ATP6V0A4: variants seen among roughly 807,000 people sequenced by gnomAD.
ATP6V0A4 encodes the protein ATPase H+ transporting V0 subunit a4, also known as V-type proton ATPase 116 kDa subunit a 4.
Under a neutral mutation model 107.3 loss-of-function variants are expected in ATP6V0A4, and 86 were observed. That is an observed-to-expected ratio of 0.80 (90% CI 0.67 to 0.96). The LOEUF (loss-of-function observed/expected upper bound fraction) is 0.96, where lower values mean the gene tolerates loss of function less well. ATP6V0A4 is among the 40% of genes least tolerant of loss of function. The probability of loss-of-function intolerance (pLI) is 0.00; values close to 1 mark genes in which losing one functional copy is unlikely to be tolerated. For synonymous variants in ATP6V0A4, 353 were observed against 381.4 expected, an observed-to-expected ratio of 0.93 and a Z score of 0.87; for missense variants, 908 against 1,045.6, an observed-to-expected ratio of 0.87 and a Z score of 1.81.
intron 16 of ATP6V0A4, among the ~76,000 whole-genome samples, chr7:138,733,524 G>C (rs1048363233): frequency 6.6e-6 from 1 of 150,868 alleles, no homozygotes; most frequent in Non-Finnish European, 1.5e-5. Context: ...CAGGCCAATG[G>C]AGACTATCAT....
Position 138,715,738 on chromosome 7 carries a change from GT to G in ATP6V0A4, c.2257+25del. The G allele has an allele frequency of 1.9e-6, 3 of 1,607,872 alleles. No individual in the cohort carries two copies. The South Asian group carries it at 3.4e-5, about 18-fold the overall frequency. ...CCTGGGGTGTTGGGGAGAGCTGACT[GT>G]CCCCCCGATGGGCTGCTCACTCACG... On this transcript the variant is annotated intron_variant, in intron 20 of 21. Transcript: ENST00000310018.
rs115494657 is a variant in ATP6V0A4, at chr7:138,713,456, G to A, written c.2257+2308C>T. On this transcript the variant is annotated intron_variant, in intron 20 of 21. Coordinates refer to ENST00000310018, the MANE Select transcript of ATP6V0A4 (RefSeq NM_020632.3). ...CACGAATGCTGAGTACTGGAGTTTCGTTTCTATCCCTTCAGCACACACCTT... is the reference window on the plus strand; with the variant it reads ...CACGAATGCTGAGTACTGGAGTTTCATTTCTATCCCTTCAGCACACACCTT... 5.0e-3 allele frequency among the ~76,000 whole-genome samples: 765 copies of A among 152,084 alleles called. 17 individuals carry two copies. Among genetic ancestry groups the A allele is most frequent in the South Asian group, 0.026 (126 of 4,810 alleles).
chr7:138,708,082 C>T (rs1051344726), intron 21 of ATP6V0A4, among the ~76,000 whole-genome samples: 4 of 150,764 alleles, frequency 2.7e-5, no homozygotes, highest in African/African-American at 7.3e-5. Context: ...GACGGAGTCT[C>T]GCTCTGTTGC....
chr7:138,714,773 T>C (rs1401085360), intron 20 of ATP6V0A4, among the ~76,000 whole-genome samples: 3 of 152,158 alleles, frequency 2.0e-5, no homozygotes, highest in African/African-American at 7.2e-5. Context: ...CAGAAGGGCA[T>C]GGTAGCCTGA....
chr7:138,795,146 C>T (rs536316722), intron 1 of ATP6V0A4, among the ~76,000 whole-genome samples: 7 of 152,158 alleles, frequency 4.6e-5, no homozygotes, highest in Non-Finnish European at 1.0e-4. Context: ...AAATGAGCCA[C>T]CTGCCTCAGT....
At chr7:138,747,140 T>C (rs1039816472) in intron 13 of ATP6V0A4, among the ~76,000 whole-genome samples, 1 of 152,086 alleles carries the variant, frequency 6.6e-6, no homozygotes, top group Non-Finnish European at 1.5e-5. Flanking sequence ...ATGTATTGCT[T>C]TCATAATCAG....
intron 18 of ATP6V0A4, among the ~76,000 whole-genome samples, chr7:138,722,530 G>A (rs966991609): frequency 6.6e-5 from 10 of 151,362 alleles, no homozygotes; most frequent in East Asian, 2.0e-4. Flanking sequence ...GCCAGGCACC[G>A]TGGCTCACCT....
chr7:138,708,861 G>A (rs1489891706), intron 21 of ATP6V0A4, among the ~76,000 whole-genome samples: 1 of 152,054 alleles, frequency 6.6e-6, no homozygotes, highest in East Asian at 1.9e-4. Flanking sequence ...ATCACTTGAG[G>A]CCAGGAGTTT....
chr7:138,791,591 C>G (rs1808415645), intron 1 of ATP6V0A4, among the ~76,000 whole-genome samples: 1 of 152,102 alleles, frequency 6.6e-6, no homozygotes, highest in Admixed American at 6.5e-5. Flanking sequence ...ATAAAAGAGG[C>G]AAATTATCTG....
At chr7:138,761,697 T>C (rs1490871579) in intron 7 of ATP6V0A4, among the ~76,000 whole-genome samples, 1 of 152,106 alleles carries the variant, frequency 6.6e-6, no homozygotes, top group Non-Finnish European at 1.5e-5. Flanking sequence ...TTTATTTTCT[T>C]GAGCTGGAGT....
chr7:138,711,796 G>A (rs775563091), intron 20 of ATP6V0A4, among the ~76,000 whole-genome samples: 4 of 152,190 alleles, frequency 2.6e-5, no homozygotes, highest in Non-Finnish European at 4.4e-5. Flanking sequence ...AGACTTTCAC[G>A]TGCACACGAA....
chr7:138,753,445 T>A (rs1457471260), intron 10 of ATP6V0A4, among the ~76,000 whole-genome samples: 1 of 152,146 alleles, frequency 6.6e-6, no homozygotes, highest in Admixed American at 6.5e-5. Flanking sequence ...ACAGAATAAA[T>A]CTTTATTGTC....
chr7:138,794,310 A>C (rs1361906752), intron 1 of ATP6V0A4, among the ~76,000 whole-genome samples: 1 of 152,026 alleles, frequency 6.6e-6, no homozygotes, highest in African/African-American at 2.4e-5. Flanking sequence ...GAGATGAAAA[A>C]CCCAAGTTCA....
At chr7:138,751,968 A>T (rs779490911) in intron 11 of ATP6V0A4, among the ~76,000 whole-genome samples, 4 of 152,036 alleles carry the variant, frequency 2.6e-5, no homozygotes, top group African/African-American at 4.8e-5. Context: ...ATGCCTGTGA[A>T]CAGCCCTGCA....
chr7:138,737,920 C>T (rs1298072364), intron 15 of ATP6V0A4, among the ~76,000 whole-genome samples: 2 of 152,016 alleles, frequency 1.3e-5, no homozygotes, highest in African/African-American at 4.8e-5. Flanking sequence ...TGCCACCATG[C>T]CCAGCTAATT....
At chr7:138,708,938 A>G (rs1803587606) in intron 21 of ATP6V0A4, among the ~76,000 whole-genome samples, 1 of 151,896 alleles carries the variant, frequency 6.6e-6, no homozygotes, top group African/African-American at 2.4e-5. Context: ...GTCAGGTGTG[A>G]CGGTGCATGC....
At chr7:138,747,711 T>C (rs1584922355) in intron 12 of ATP6V0A4, 147 bp from the exon 13 acceptor site, 2 of 1,281,956 alleles carry the variant, frequency 1.6e-6, no homozygotes, top group Non-Finnish European at 2.1e-6. Context: ...CCCTGACACA[T>C]GCTTAGCTGC....
At chr7:138,752,093 G>C (rs544563366) in intron 11 of ATP6V0A4, among the ~76,000 whole-genome samples, 1 of 152,122 alleles carries the variant, frequency 6.6e-6, no homozygotes, top group African/African-American at 2.4e-5. Flanking sequence ...AGTATGGCCG[G>C]GTGTGATGTC....
At chr7:138,762,664 T>C (rs925046819) in intron 6 of ATP6V0A4, among the ~76,000 whole-genome samples, 1 of 152,186 alleles carries the variant, frequency 6.6e-6, no homozygotes, top group African/African-American at 2.4e-5. Context: ...CTGACTTCTC[T>C]TTCTGCCTGA....
Sources: allele counts gnomAD v4.1 joint callset (sites outside exome capture counted in the v4.1 genomes callset), GRCh38; gene constraint gnomAD v4.1.1; transcripts MANE v1.5; gene names NCBI Gene and HGNC (gene_info 2026-07-23, HGNC 2026-07-21).